RARA: variants seen among roughly 807,000 people sequenced by gnomAD.
RARA encodes PML-DDX5-RARA fusion.
In RARA, 5 loss-of-function variants were observed where a neutral mutation model predicts 42.8. The ratio of observed to expected loss-of-function variants is 0.12; its 90% CI spans 0.06 to 0.25. The LOEUF is 0.25. RARA is among the 10% of genes least tolerant of loss of function. The probability of loss-of-function intolerance (pLI) is 1.00; values close to 1 mark genes in which losing one functional copy is unlikely to be tolerated. For synonymous variants in RARA, 256 were observed against 259.5 expected, an observed-to-expected ratio of 0.99 and a Z score of 0.13; for missense variants, 402 against 628.7, an observed-to-expected ratio of 0.64 and a Z score of 3.86.
chr17:40,341,487 C>T (rs766535684), intron 2 of RARA: 2 of 1,502,096 alleles, frequency 1.3e-6, no homozygotes, highest in East Asian at 2.9e-5. Flanking sequence ...TGGCCCCGCG[C>T]GACCCGGCCC....
chr17:40,318,615 T>G (rs969766702), intron 1 of RARA, among the ~76,000 whole-genome samples: 1 of 152,122 alleles, frequency 6.6e-6, no homozygotes, highest in African/African-American at 2.4e-5. Context: ...GTGTCCAGGG[T>G]GGGGGAGCCC....
chr17:40,348,146 C>T, intron 2 of RARA, 170 bp from the exon 3 acceptor site: 1 of 758,012 alleles, frequency 1.3e-6, no homozygotes, highest in Non-Finnish European at 2.0e-6. Flanking sequence ...TCATTGGCAG[C>T]CTCCTGCCCT....
At chr17:40,324,364 T>A (rs1020474092) in intron 1 of RARA, among the ~76,000 whole-genome samples, 1 of 152,056 alleles carries the variant, frequency 6.6e-6, no homozygotes, top group South Asian at 2.1e-4. Flanking sequence ...CCCTTTCACC[T>A]ACTCGTTGCT....
rs1427526051 is a variant in RARA, at chr17:40,330,990, C to T, written c.-229C>T. 1 of 494,126 alleles carries T rather than the reference C, an allele frequency of 2.0e-6. No homozygotes were observed. Among genetic ancestry groups the T allele is most frequent in the Non-Finnish European group, 3.5e-6 (1 of 281,880 alleles). The allele number at this position is 494,126 out of a possible 1,614,324, so 30.6% of individuals were successfully genotyped here. On this transcript the variant is annotated 5_prime_UTR_variant, in exon 2 of 9. Transcript: ENST00000254066. The stretch of plus-strand genomic sequence containing the variant: ...CTCACAGAACTGCTTGACCAAAGGA[C>T]CGGCTCTTGAGACATCCCCCAACCC...
intron 1 of RARA, among the ~76,000 whole-genome samples, chr17:40,311,646 C>A (rs933353714): frequency 2.6e-5 from 4 of 152,234 alleles, no homozygotes; most frequent in Non-Finnish European, 5.9e-5. Context: ...TTCCTCCCCT[C>A]CAAGATATTT....
chr17:40,315,200 ATATT>A (rs1481416257), intron 1 of RARA, among the ~76,000 whole-genome samples: 2 of 145,938 alleles, frequency 1.4e-5, no homozygotes, highest in Admixed American at 6.9e-5. Context: ...ACACACGTAT[ATATT>A]TATTTATTTT....
rs2034226577 is a variant in RARA, at chr17:40,345,366, GGGAGCTGCGGA to G, written c.179-2944_179-2934del. 6.6e-6 allele frequency: 1 copy of G among 152,518 alleles called. No homozygotes were observed. Among genetic ancestry groups the G allele is most frequent in the African/African-American group, 2.4e-5 (1 of 41,484 alleles). The allele number at this position is 152,518 out of a possible 1,614,324, so 9.4% of individuals were successfully genotyped here. The stretch of plus-strand genomic sequence containing the variant: ...CCCAACCATCCCCAGGGGCTGCGAG[GGGAGCTGCGGA>G]GGAGCGGGCGCCAGCTGGATTGGGA... On this transcript the variant is annotated intron_variant, in intron 2 of 8. Coordinates refer to ENST00000254066, the MANE Select transcript of RARA (RefSeq NM_000964.4). This position sits in a 1 kb window ranked among gnomAD's most constrained non-coding sequence, Gnocchi z 4.8.
chr17:40,311,401 G>T (rs1442650181), intron 1 of RARA, among the ~76,000 whole-genome samples: 1 of 151,994 alleles, frequency 6.6e-6, no homozygotes, highest in Non-Finnish European at 1.5e-5. Context: ...AACACACCAA[G>T]GTCCTCAGGA....
rs749208030 is a variant in RARA, at chr17:40,356,628, C to T, written c.*402C>T. ...CCATTGCTCCCCAGCTGGGGAACCT[C>T]AACCTCCCCCCTGCCTCGGTTGGTG... On this transcript the variant is annotated 3_prime_UTR_variant, in exon 9 of 9. Transcript: ENST00000254066. 7.4e-5 allele frequency: 40 copies of T among 541,576 alleles called. No individual in the cohort carries two copies. The Middle Eastern group carries it at 1.1e-3, about 15-fold the overall frequency. 33.5% of individuals were successfully genotyped at this position (541,576 alleles called of 1,614,324 possible). A position where few individuals can be genotyped will look rare whatever the true frequency, so the allele number is the denominator to read the frequency against.
intron 2 of RARA, chr17:40,341,611 C>T: frequency 7.4e-7 from 1 of 1,356,354 alleles, no homozygotes; most frequent in African/African-American, 1.5e-5. Context: ...ATGTCACGGG[C>T]AGCGGTGGGT....
chr17:40,344,978 T>G (rs534755034), intron 2 of RARA, among the ~76,000 whole-genome samples: 1 of 152,318 alleles, frequency 6.6e-6, no homozygotes, highest in African/African-American at 2.4e-5. Flanking sequence ...ACTCTCCCCT[T>G]TACTGCCACT....
chr17:40,310,329 A>G (rs1053056880), intron 1 of RARA, among the ~76,000 whole-genome samples: 3 of 150,330 alleles, frequency 2.0e-5, no homozygotes, highest in African/African-American at 7.4e-5. Context: ...GGTTTACAGG[A>G]AGGGTGTACA....
At chr17:40,347,969 G>A (rs2034322176) in intron 2 of RARA, 2 of 208,102 alleles carry the variant, frequency 9.6e-6, no homozygotes, top group Non-Finnish European at 1.9e-5. Context: ...GGGAGAACGG[G>A]GCCAGGCCGC....
At position 40,351,436 on chromosome 17, in the gene RARA, C is replaced by T. The variant is rs1235319902; in HGVS notation, c.470-474C>T. The T allele has an allele frequency of 6.4e-6, 3 of 468,956 alleles. No homozygotes were observed. The highest frequency in any genetic ancestry group is 6.0e-5 in the African/African-American group (3 of 49,988). 29.0% of individuals were successfully genotyped at this position (468,956 alleles called of 1,614,324 possible). A position where few individuals can be genotyped will look rare whatever the true frequency, so the allele number is the denominator to read the frequency against. ...GAGATTCTCCCCGCCAGGTCCCCCA[C>T]TCTCAGGCTGGGGAGCCCTACTCCC... is the stretch of plus-strand genomic sequence containing the variant. On this transcript the variant is annotated intron_variant, in intron 4 of 8. Coordinates refer to ENST00000254066, the MANE Select transcript of RARA (RefSeq NM_000964.4). This position sits in a 1 kb window ranked among gnomAD's most constrained non-coding sequence, Gnocchi z 4.1.
Position 40,356,573 on chromosome 17 carries a change from C to T in RARA, c.*347C>T. 1.8e-6 allele frequency: 1 copy of T among 570,338 alleles called. No homozygotes were observed. 35.3% of individuals were successfully genotyped at this position (570,338 alleles called of 1,614,324 possible). A position where few individuals can be genotyped will look rare whatever the true frequency, so the allele number is the denominator to read the frequency against. On this transcript the variant is annotated 3_prime_UTR_variant, in exon 9 of 9. Transcript: ENST00000254066. Reference sequence around the variant, plus strand: ...TCTTCATCACCAGCAAACGCCAGGACTTGGCTCCCCCATCCTCAGAACTCA... The same window carrying T: ...TCTTCATCACCAGCAAACGCCAGGATTTGGCTCCCCCATCCTCAGAACTCA...
chr17:40,342,117 G>A, intron 2 of RARA: 4 of 1,048,852 alleles, frequency 3.8e-6, no homozygotes, highest in Non-Finnish European at 4.6e-6. Flanking sequence ...AAAGGGGGTG[G>A]TGCCCGGAGG....
chr17:40,337,720 G>C (rs1001238832), intron 2 of RARA, among the ~76,000 whole-genome samples: 1 of 152,276 alleles, frequency 6.6e-6, no homozygotes, highest in South Asian at 2.1e-4. Context: ...TGTTTGCTTC[G>C]TGTGCCTAGA....
chr17:40,316,915 G>A (rs1181791939), intron 1 of RARA, among the ~76,000 whole-genome samples: 1 of 152,206 alleles, frequency 6.6e-6, no homozygotes, highest in Non-Finnish European at 1.5e-5. Flanking sequence ...GGGGAAGCGC[G>A]GCCCAGCACT....
At chr17:40,321,360 AC>A (rs1204573421) in intron 1 of RARA, among the ~76,000 whole-genome samples, 1 of 150,348 alleles carries the variant, frequency 6.7e-6, no homozygotes, top group Admixed American at 6.6e-5. Flanking sequence ...CCTAGCTGGG[AC>A]CGCCTGCTTG....
Sources: allele counts gnomAD v4.1 joint callset (sites outside exome capture counted in the v4.1 genomes callset), GRCh38; gene constraint gnomAD v4.1.1; non-coding constraint Gnocchi (gnomAD v3.1); transcripts MANE v1.5; gene names NCBI Gene and HGNC (gene_info 2026-07-23, HGNC 2026-07-21).